Variants in EBF1 observed in about 807,000 individuals in gnomAD.
EBF1 encodes the protein EBF transcription factor 1.
A neutral mutation model predicts 68.4 loss-of-function variants in EBF1; 10 were observed. The ratio of observed to expected loss-of-function variants is 0.15; its 90% CI spans 0.09 to 0.25. EBF1 has a LOEUF of 0.25. Among genes scored for constraint, EBF1 ranks in the 10% least tolerant of loss-of-function variants. The pLI, the probability that EBF1 is intolerant of heterozygous loss-of-function variation, is 1.00. For synonymous variants in EBF1, 298 were observed against 299.8 expected (o/e 0.99, Z 0.06); for missense variants, 509 against 794.4 (o/e 0.64, Z 4.32).
chr5:158,750,055 T>C (rs1175966251), intron 10 of EBF1, among the ~76,000 whole-genome samples: 1 of 152,140 alleles, frequency 6.6e-6, no homozygotes, highest in Non-Finnish European at 1.5e-5. Context: ...CTAACATTAA[T>C]GCTCTGTCAA....
At chr5:158,890,695 G>A (rs533622326) in intron 6 of EBF1, among the ~76,000 whole-genome samples, 1 of 152,294 alleles carries the variant, frequency 6.6e-6, no homozygotes, top group Non-Finnish European at 1.5e-5. Flanking sequence ...CCGCCACCCT[G>A]CTGCTAAGCC....
intron 6 of EBF1, among the ~76,000 whole-genome samples, chr5:158,881,829 CCCCAA>C (rs1480969734): frequency 6.6e-6 from 1 of 152,172 alleles, no homozygotes; most frequent in East Asian, 1.9e-4. Context: ...TTACACTGCA[CCCCAA>C]CCAGCAATGC....
chr5:158,969,893 AAAG>A lies in EBF1; in HGVS notation c.554+103500_554+103502del, dbSNP rs767006698. Among the ~76,000 whole-genome samples the A allele has an allele frequency of 9.2e-3, 1,054 of 115,128 alleles. 27 individuals carry two copies. Among genetic ancestry groups the A allele is most frequent in the Non-Finnish European group, 0.015 (769 of 51,774 alleles). 75.5% of individuals were successfully genotyped at this position (115,128 alleles called of 152,430 possible). ...GAAAGAAAGAAAGAAAGAAAGAAAGAAAGAAAGAAAGAAAGAAAGAAAGAAAAA... is the reference window on the plus strand; with the variant it reads ...GAAAGAAAGAAAGAAAGAAAGAAAGAAAAGAAAGAAAGAAAGAAAGAAAAA... On this transcript the variant is annotated intron_variant, in intron 6 of 15. Transcript: ENST00000313708.
intron 7 of EBF1, among the ~76,000 whole-genome samples, chr5:158,836,008 G>A (rs1788702426): frequency 1.3e-5 from 2 of 152,098 alleles, no homozygotes; most frequent in Non-Finnish European, 1.5e-5. Flanking sequence ...ATTTATACAC[G>A]TGAACATGGA....
At chr5:159,076,091 G>A (rs989489318) in intron 5 of EBF1, among the ~76,000 whole-genome samples, 12 of 151,168 alleles carry the variant, frequency 7.9e-5, no homozygotes, top group African/African-American at 2.9e-4. Flanking sequence ...TTACATATAT[G>A]TGTGTGTATT....
At chr5:158,874,347 A>AAG (rs1446951733) in intron 6 of EBF1, among the ~76,000 whole-genome samples, 1 of 152,218 alleles carries the variant, frequency 6.6e-6, no homozygotes, top group South Asian at 2.1e-4. Flanking sequence ...AAATATCAAG[A>AAG]ATATAATCTA....
chr5:159,057,104 C>CT (rs1205129627), intron 6 of EBF1, among the ~76,000 whole-genome samples: 2,476 of 110,644 alleles, frequency 0.022, 75 homozygotes, highest in African/African-American at 0.045. Flanking sequence ...CTTTTCTTTT[C>CT]TTTTTTTTTT....
chr5:158,958,069 C>A (rs1354677317), intron 6 of EBF1, among the ~76,000 whole-genome samples: 1 of 152,300 alleles, frequency 6.6e-6, no homozygotes, highest in Middle Eastern at 3.4e-3. Flanking sequence ...CTGCCCCTCC[C>A]CCTTGATCCA....
In EBF1 at chr5:159,063,842, C is replaced by A. The variant is rs1018749273; in HGVS notation, c.554+9554G>T. Among the ~76,000 whole-genome samples the A allele has an allele frequency of 3.3e-5, 5 of 152,182 alleles. 1 individual carries two copies. Among genetic ancestry groups the A allele is most frequent in the African/African-American group, 1.2e-4 (5 of 41,436 alleles). ...TTTTAAGCACCTGTTATGTGCCAAG[C>A]CCAGTGCTAGGTGTTTCAATCCTCA... On this transcript the variant is annotated intron_variant, in intron 6 of 15. Coordinates refer to ENST00000313708, the MANE Select transcript of EBF1 (RefSeq NM_024007.5).
intron 6 of EBF1, among the ~76,000 whole-genome samples, chr5:158,861,749 G>A (rs752384236): frequency 2.6e-5 from 4 of 151,894 alleles, no homozygotes. Flanking sequence ...CTTTGGTTAT[G>A]TGGCATCTTA....
At chr5:158,899,929 T>C (rs1802940732) in intron 6 of EBF1, among the ~76,000 whole-genome samples, 1 of 152,152 alleles carries the variant, frequency 6.6e-6, no homozygotes, top group Admixed American at 6.5e-5. Context: ...GATGGATTGC[T>C]CATCGCCCTC....
intron 9 of EBF1, among the ~76,000 whole-genome samples, chr5:158,790,543 C>T (rs1561934852): frequency 6.6e-6 from 1 of 152,106 alleles, no homozygotes; most frequent in Non-Finnish European, 1.5e-5. Flanking sequence ...TTGGGACATG[C>T]TGAATACTGC....
At chr5:158,956,754 CTTTT>C (rs397883009) in intron 6 of EBF1, among the ~76,000 whole-genome samples, 2 of 112,844 alleles carry the variant, frequency 1.8e-5, no homozygotes, top group African/African-American at 3.7e-5. Flanking sequence ...ACCAACACTT[CTTTT>C]TTTTTTTTTT....
chr5:158,763,934 C>G (rs1474116852), intron 10 of EBF1, among the ~76,000 whole-genome samples: 3 of 152,146 alleles, frequency 2.0e-5, no homozygotes, highest in Admixed American at 6.5e-5. Flanking sequence ...CTCTGAGGAC[C>G]TTTCCAACTC....
intron 6 of EBF1, among the ~76,000 whole-genome samples, chr5:158,969,908 G>GAAAAGA (rs1349712410): frequency 9.5e-6 from 1 of 104,818 alleles, no homozygotes; most frequent in South Asian, 3.1e-4. Flanking sequence ...AAGAAAGAAA[G>GAAAAGA]AAAGAAAGAA....
intron 9 of EBF1, among the ~76,000 whole-genome samples, chr5:158,785,639 A>G (rs1777279274): frequency 6.6e-6 from 1 of 152,234 alleles, no homozygotes; most frequent in South Asian, 2.1e-4. Flanking sequence ...TGTCCTTTCA[A>G]GAAAATAACT....
chr5:158,934,846 A>T (rs1003603097), intron 6 of EBF1, among the ~76,000 whole-genome samples: 35 of 152,338 alleles, frequency 2.3e-4, no homozygotes, highest in African/African-American at 8.2e-4. Context: ...TTATAGCCTG[A>T]CCCTGAGCTA....
intron 10 of EBF1, among the ~76,000 whole-genome samples, chr5:158,775,444 C>G (rs983412924): frequency 6.6e-6 from 1 of 152,034 alleles, no homozygotes; most frequent in Non-Finnish European, 1.5e-5. Context: ...GAAACCATGC[C>G]TGATTGCCTC....
chr5:158,764,308 T>A (rs1470478015), intron 10 of EBF1, among the ~76,000 whole-genome samples: 1 of 152,178 alleles, frequency 6.6e-6, no homozygotes, highest in African/African-American at 2.4e-5. Context: ...GGTGTAAATA[T>A]CTACCACTAA....
Sources: allele counts gnomAD v4.1 joint callset (sites outside exome capture counted in the v4.1 genomes callset), GRCh38; gene constraint gnomAD v4.1.1; transcripts MANE v1.5; gene names NCBI Gene and HGNC (gene_info 2026-07-23, HGNC 2026-07-21).